The following KRABD5 variants were observed in gnomAD, a reference collection of about 807,000 sequenced individuals.
The protein encoded by KRABD5 is KRAB domain containing 5.
At chr16:31,724,973 T>C in the KRABD5 span, among the ~76,000 whole-genome samples, 4 of 152,192 alleles carry the variant, frequency 2.6e-5, no homozygotes, top group Admixed American at 2.6e-4. Flanking sequence ...ATTACCATAG[T>C]TCCACCTGGT....
At chr16:31,728,140 G>T in the KRABD5 span, among the ~76,000 whole-genome samples, 1 of 152,148 alleles carries the variant, frequency 6.6e-6, no homozygotes, top group South Asian at 2.1e-4. Context: ...CAAGCATGAG[G>T]AAGTGCACCC....
the KRABD5 span, among the ~76,000 whole-genome samples, chr16:31,733,956 T>A: frequency 6.6e-6 from 1 of 152,212 alleles, no homozygotes; most frequent in Non-Finnish European, 1.5e-5. Context: ...TTTTGTTGCC[T>A]CATCCTTTGA....
chr16:31,738,161 G>A, the KRABD5 span, among the ~76,000 whole-genome samples: 1 of 152,214 alleles, frequency 6.6e-6, no homozygotes, highest in Non-Finnish European at 1.5e-5. Flanking sequence ...TATGGATATT[G>A]TGTATTCTGC....
At chr16:31,754,242 C>A in the KRABD5 span, 1 of 648,954 alleles carries the variant, frequency 1.5e-6, no homozygotes, top group South Asian at 1.7e-5. Flanking sequence ...TAAATATGAT[C>A]AATTTGATGG....
the KRABD5 span, chr16:31,723,422 G>T: frequency 6.8e-7 from 1 of 1,471,386 alleles, no homozygotes; most frequent in Admixed American, 2.6e-5. Context: ...ACCAGACCTT[G>T]AAGTGTGGAT....
chr16:31,724,417 G>A, the KRABD5 span, among the ~76,000 whole-genome samples: 2 of 152,084 alleles, frequency 1.3e-5, no homozygotes, highest in Non-Finnish European at 2.9e-5. Flanking sequence ...GCCGGGCGCG[G>A]TGGCTCACGC....
the KRABD5 span, among the ~76,000 whole-genome samples, chr16:31,720,849 C>T: frequency 6.6e-6 from 1 of 152,284 alleles, no homozygotes; most frequent in East Asian, 1.9e-4. Flanking sequence ...TTTCCCTTTG[C>T]TTGTGGGTTG....
the KRABD5 span, among the ~76,000 whole-genome samples, chr16:31,721,931 A>G: frequency 1.3e-5 from 2 of 152,228 alleles, no homozygotes; most frequent in Admixed American, 1.3e-4. Context: ...TTATTGCTGA[A>G]CACAATAAAA....
the KRABD5 span, chr16:31,714,293 AAGTGCCTTAC>A: frequency 2.2e-6 from 1 of 451,556 alleles, no homozygotes; most frequent in Non-Finnish European, 4.4e-6. Flanking sequence ...TATAAAGTGT[AAGTGCCTTAC>A]AGTTTCCTTC....
At chr16:31,717,185 G>C in the KRABD5 span, among the ~76,000 whole-genome samples, 1 of 151,762 alleles carries the variant, frequency 6.6e-6, no homozygotes, top group Non-Finnish European at 1.5e-5. Flanking sequence ...TAGTAGAGAT[G>C]GGGTTTCACC....
At chr16:31,716,919 T>G in the KRABD5 span, among the ~76,000 whole-genome samples, 14 of 152,160 alleles carry the variant, frequency 9.2e-5, no homozygotes, top group Admixed American at 3.9e-4. Context: ...GTATGTAAGT[T>G]TTTTTCTGCC....
chr16:31,751,904 C>T, the KRABD5 span, among the ~76,000 whole-genome samples: 3 of 152,136 alleles, frequency 2.0e-5, no homozygotes, highest in African/African-American at 7.2e-5. Context: ...GTGTTATAAG[C>T]TTCTTTTAAT....
chr16:31,725,077 T>C, the KRABD5 span, among the ~76,000 whole-genome samples: 1 of 152,032 alleles, frequency 6.6e-6, no homozygotes, highest in Non-Finnish European at 1.5e-5. Flanking sequence ...GCTGTGAACA[T>C]AGGGGTGCAG....
chr16:31,726,249 T>C, the KRABD5 span, among the ~76,000 whole-genome samples: 1 of 152,242 alleles, frequency 6.6e-6, no homozygotes, highest in African/African-American at 2.4e-5. Flanking sequence ...TCCCTTTGTG[T>C]ATCTTGGTGC....
the KRABD5 span, among the ~76,000 whole-genome samples, chr16:31,752,693 C>A: frequency 4.6e-5 from 7 of 152,104 alleles, no homozygotes; most frequent in East Asian, 1.4e-3. Context: ...TAGCAAGACC[C>A]TGGTTGTACA....
At chr16:31,737,028 A>C in the KRABD5 span, among the ~76,000 whole-genome samples, 1 of 152,156 alleles carries the variant, frequency 6.6e-6, no homozygotes, top group South Asian at 2.1e-4. Context: ...TATAGTGAAA[A>C]CTCTAAGCAA....
the KRABD5 span, among the ~76,000 whole-genome samples, chr16:31,741,682 A>T: frequency 2.6e-5 from 4 of 151,710 alleles, no homozygotes; most frequent in Admixed American, 2.0e-4. Context: ...TTTAAATTTC[A>T]TATGGATTCT....
At chr16:31,747,879 T>G in the KRABD5 span, among the ~76,000 whole-genome samples, 1 of 152,240 alleles carries the variant, frequency 6.6e-6, no homozygotes, top group African/African-American at 2.4e-5. Context: ...CATTGTAGAT[T>G]CTGGATATTA....
the KRABD5 span, chr16:31,754,736 C>T: frequency 2.2e-6 from 1 of 459,360 alleles, no homozygotes; most frequent in Admixed American, 2.4e-5. Flanking sequence ...TGAGAAAATC[C>T]TTAGTAAATT....
Sources: gnomAD v4.1 joint callset for allele counts (sites outside exome capture counted in the v4.1 genomes callset) on GRCh38, gnomAD v4.1.1 for gene constraint, MANE v1.5 for transcripts, NCBI Gene and HGNC (gene_info 2026-07-23, HGNC 2026-07-21) for gene names.